NBPF26: variants seen among roughly 807,000 people sequenced by gnomAD.
NBPF26 encodes NBPF member 26.
NBPF26 carries 79 observed loss-of-function variants against 119.6 expected under a neutral mutation model. The ratio of observed to expected loss-of-function variants is 0.66; its 90% confidence interval spans 0.55 to 0.80. The LOEUF is 0.80. Among genes scored for constraint, NBPF26 ranks in the 30% least tolerant of loss-of-function variants. The pLI is 0.00. For synonymous variants in NBPF26, 299 were observed against 457.7 expected (o/e 0.65, Z 4.43); for missense variants, 800 against 1,198.2 (o/e 0.67, Z 4.91).
downstream of NBPF26, chr1:120,840,667 T>A (rs1292786673): frequency 1.4e-6 from 2 of 1,433,492 alleles, 1 homozygote; most frequent in Non-Finnish European, 1.9e-6. Flanking sequence ...TGAATGAAAG[T>A]ACAGTTCCAT....
chr1:120,776,232 A>G (rs1227193431), intron 2 of NBPF26, among the ~76,000 whole-genome samples: 1 of 116,680 alleles, frequency 8.6e-6, no homozygotes, highest in East Asian at 2.1e-4. Flanking sequence ...ACACAGGCTC[A>G]GGGTTATTAA....
intron 15 of NBPF26, among the ~76,000 whole-genome samples, chr1:120,819,135 G>C (rs1652077114): frequency 8.0e-6 from 1 of 124,852 alleles, no homozygotes; most frequent in Non-Finnish European, 1.6e-5. Context: ...AGGTCTCTCA[G>C]GACTTGCTTT....
Position 120,823,730 on chromosome 1 carries a change from T to G in NBPF26, c.2640-244T>G, listed in dbSNP as rs1221135826. Among the ~76,000 whole-genome samples, 18 of 106,506 alleles carry G rather than the reference T, an allele frequency of 1.7e-4. 2 individuals are homozygous for G. The highest frequency in any genetic ancestry group is 7.9e-4 in the African/African-American group (15 of 19,088). 69.9% of individuals were successfully genotyped at this position (106,506 alleles called of 152,430 possible). A position where few individuals can be genotyped will look rare whatever the true frequency, so the allele number is the denominator to read the frequency against. On this transcript the variant is annotated intron_variant, in intron 17 of 29. Transcript: ENST00000620612. ...TTGACTCCCTCATCAGTGTGTCACCTGACCAATTCACTGAGCTCGCTCTGT... is the reference window on the plus strand; with the variant it reads ...TTGACTCCCTCATCAGTGTGTCACCGGACCAATTCACTGAGCTCGCTCTGT...
chr1:120,795,995 C>A (rs2101476226), intron 4 of NBPF26, among the ~76,000 whole-genome samples: 1 of 32,092 alleles, frequency 3.1e-5, no homozygotes, highest in South Asian at 5.8e-4. Context: ...TAGACTAGTT[C>A]TTGCTTTTCA....
At chr1:120,811,179 C>T (rs1330783476) in intron 9 of NBPF26, among the ~76,000 whole-genome samples, 2 of 105,658 alleles carry the variant, frequency 1.9e-5, no homozygotes, top group Non-Finnish European at 3.6e-5. Flanking sequence ...ACCCAGGAAC[C>T]GGAGCTTGCA....
rs1246210614 is a variant in NBPF26 at position 120,804,687 on chromosome 1, A to G, written c.752-869A>G. On this transcript the variant is annotated intron_variant, in intron 4 of 29. Transcript: ENST00000620612. ...AATGTAGTGCTCAGTGACATTAAAA[A>G]ACACATCAACCCACATAGAGGAAGA... is the stretch of plus-strand genomic sequence containing the variant. Among the ~76,000 whole-genome samples, 2 of 119,086 alleles carry G rather than the reference A, an allele frequency of 1.7e-5. 1 individual carries two copies. The highest frequency in any genetic ancestry group is 9.2e-5 in the African/African-American group (2 of 21,662). 78.1% of individuals were successfully genotyped at this position (119,086 alleles called of 152,430 possible). A position where few individuals can be genotyped will look rare whatever the true frequency, so the allele number is the denominator to read the frequency against.
At position 120,785,037 on chromosome 1, in the gene NBPF26, C is replaced by T. The variant is rs1174011045; in HGVS notation, c.219C>T (p.Cys73=). 8.3e-6 allele frequency: 12 copies of T among 1,442,532 alleles called. 3 individuals are homozygous for T. The Admixed American group carries it at 1.6e-4, about 19-fold the overall frequency. The allele number at this position is 1,442,532 out of a possible 1,614,324, so 89.4% of individuals were successfully genotyped here. A position where few individuals can be genotyped will look rare whatever the true frequency, so the allele number is the denominator to read the frequency against. ...GAGACCCCTGTGAGAAGAACCGCTGCCAGAATGGTGGGACTTGTGTGGCCC... is the reference window on the plus strand; with the variant it reads ...GAGACCCCTGTGAGAAGAACCGCTGTCAGAATGGTGGGACTTGTGTGGCCC... Residue 73 remains cysteine (C), a synonymous_variant, in exon 3 of 30, where the codon TGC becomes TGT. Transcript: ENST00000620612.
rs1295441330 is a variant in NBPF26, at chr1:120,811,649, T to A, written c.1565-237T>A. Among the ~76,000 whole-genome samples, 30 of 113,806 alleles carry A rather than the reference T, an allele frequency of 2.6e-4. 9 individuals are homozygous for A. Among genetic ancestry groups the A allele is most frequent in the Admixed American group, 2.0e-3 (25 of 12,212 alleles). The allele number at this position is 113,806 out of a possible 152,430, so 74.7% of individuals were successfully genotyped here. A position where few individuals can be genotyped will look rare whatever the true frequency, so the allele number is the denominator to read the frequency against. On this transcript the variant is annotated intron_variant, in intron 9 of 29. Coordinates refer to ENST00000620612, the Ensembl canonical transcript of NBPF26. ...AAAATCTCAGGGCCAAGCCTTGCTT[T>A]ATAGAAACGTATAAGCAAGAAAAGT...
Position 120,724,691 on chromosome 1 carries a change from C to T in NBPF26, c.73+441C>T, listed in dbSNP as rs1418836808. ...GCGGGGGCAGGGCCGCCAAGCCAAACGGCCTGCAGCTTCGCAGCCAGCCTC... is the reference window on the plus strand; with the variant it reads ...GCGGGGGCAGGGCCGCCAAGCCAAATGGCCTGCAGCTTCGCAGCCAGCCTC... On this transcript the variant is annotated intron_variant, in intron 1 of 29. Coordinates refer to ENST00000620612, the Ensembl canonical transcript of NBPF26. 6.2e-4 allele frequency among the ~76,000 whole-genome samples: 77 copies of T among 124,814 alleles called. 23 individuals carry two copies. Among genetic ancestry groups the T allele is most frequent in the African/African-American group, 2.9e-3 (74 of 25,532 alleles). The allele number at this position is 124,814 out of a possible 152,430, so 81.9% of individuals were successfully genotyped here.
intron 1 of NBPF26, among the ~76,000 whole-genome samples, chr1:120,729,550 T>C (rs1417730811): frequency 8.8e-6 from 1 of 113,544 alleles, no homozygotes; most frequent in Non-Finnish European, 1.7e-5. Flanking sequence ...CTGTAGACTT[T>C]ACTGAGCTGA....
chr1:120,763,511 A>G lies in NBPF26; in HGVS notation c.74-117A>G, dbSNP rs1488198064. ...ACATAAAAAACTGATTAAAACTCTA[A>G]AAAGAAACCCAGATTAGGTGGGAAT... is the stretch of plus-strand genomic sequence containing the variant. On this transcript the variant is annotated intron_variant, in intron 1 of 29. Transcript: ENST00000620612. 6.2e-6 allele frequency: 3 copies of G among 483,024 alleles called. 1 individual carries two copies. The highest frequency in any genetic ancestry group is 4.0e-5 in the South Asian group (2 of 50,430). The allele number at this position is 483,024 out of a possible 1,614,324, so 29.9% of individuals were successfully genotyped here.
chr1:120,798,527 GA>G, intron 4 of NBPF26, among the ~76,000 whole-genome samples: 1 of 126,306 alleles, frequency 7.9e-6, no homozygotes, highest in Non-Finnish European at 1.7e-5. Flanking sequence ...TCAGAGAATG[GA>G]AGGTGTGTGC....
intron 4 of NBPF26, among the ~76,000 whole-genome samples, chr1:120,795,933 T>C: frequency 4.0e-5 from 1 of 25,166 alleles, no homozygotes; most frequent in African/African-American, 2.4e-4. Flanking sequence ...TGTGTGTGTG[T>C]GTGTGTGTGT....
At chr1:120,759,812 C>CA (rs1220955537) in intron 1 of NBPF26, among the ~76,000 whole-genome samples, 1 of 115,888 alleles carries the variant, frequency 8.6e-6, no homozygotes, top group East Asian at 2.1e-4. Context: ...TCCTTCATCT[C>CA]AAATATTTAA....
chr1:120,807,072 AT>A (rs1330001252), intron 5 of NBPF26, among the ~76,000 whole-genome samples: 40 of 130,730 alleles, frequency 3.1e-4, no homozygotes, highest in Non-Finnish European at 5.6e-4. Flanking sequence ...TCATGGCCTT[AT>A]TGTCTTATGT....
At chr1:120,811,814 C>T in intron 9 of NBPF26, 72 bp from the exon 10 acceptor site, 1 of 700,398 alleles carries the variant, frequency 1.4e-6, no homozygotes, top group Non-Finnish European at 2.5e-6. Flanking sequence ...AGTGACATCC[C>T]TCAGTCCTGA....
chr1:120,790,070 G>T (rs1651467117), intron 3 of NBPF26, among the ~76,000 whole-genome samples: 2 of 77,506 alleles, frequency 2.6e-5, no homozygotes, highest in Admixed American at 2.8e-4. Context: ...AGGCTGGAGT[G>T]CAGGGCGCAA....
chr1:120,756,219 T>A lies in NBPF26; in HGVS notation c.74-7409T>A. ...CTATTTTTGGTAATAATGCAGGCAG[T>A]CATTTTAGAAAACTTTGCTTTGTTC... On this transcript the variant is annotated intron_variant, in intron 1 of 29. Transcript: ENST00000620612. Among the ~76,000 whole-genome samples, 2 of 113,248 alleles carry A rather than the reference T, an allele frequency of 1.8e-5. 1 individual carries two copies. Among genetic ancestry groups the A allele is most frequent in the Non-Finnish European group, 3.4e-5 (2 of 59,602 alleles). The allele number at this position is 113,248 out of a possible 152,430, so 74.3% of individuals were successfully genotyped here.
In NBPF26 at chr1:120,785,211, C is replaced by T. The variant is rs1651412170; in HGVS notation, c.393C>T (p.Cys131=). 5.5e-6 allele frequency: 8 copies of T among 1,445,434 alleles called. 1 individual carries two copies. The highest frequency in any genetic ancestry group is 2.3e-5 in the East Asian group (1 of 42,890). The allele number at this position is 1,445,434 out of a possible 1,614,324, so 89.5% of individuals were successfully genotyped here. A position where few individuals can be genotyped will look rare whatever the true frequency, so the allele number is the denominator to read the frequency against. The stretch of plus-strand genomic sequence containing the variant: ...TGCTCAGCCGGGATACCTATGAGTG[C>T]ACCTGTCAAGTCGGGTTTACAGGTA... Residue 131 remains cysteine, a synonymous_variant, in exon 3 of 30, where the codon TGC becomes TGT. Transcript: ENST00000620612.
Sources: gnomAD v4.1 joint callset for allele counts (sites outside exome capture counted in the v4.1 genomes callset) on GRCh38, gnomAD v4.1.1 for gene constraint, MANE v1.5 for transcripts, NCBI Gene and HGNC (gene_info 2026-07-23, HGNC 2026-07-21) for gene names.